The following FGF14 variants were observed in gnomAD, a reference collection of about 807,000 sequenced individuals.
FGF14 encodes the protein fibroblast growth factor 14.
Under a neutral mutation model 25.5 loss-of-function variants are expected in FGF14, and 5 were observed. The observed-to-expected ratio is 0.20, with a 90% CI of 0.10 to 0.41. FGF14 has a LOEUF of 0.41. FGF14 is among the 10% of genes least tolerant of loss of function. The pLI is 1.00. For synonymous variants in FGF14, 138 were observed against 118.3 expected (o/e 1.17, Z -1.08); for missense variants, 222 against 320.1 (o/e 0.69, Z 2.34).
At chr13:102,027,838 G>A (rs2041010061) in intron 1 of FGF14, among the ~76,000 whole-genome samples, 1 of 151,992 alleles carries the variant, frequency 6.6e-6, no homozygotes, top group Admixed American at 6.6e-5. Context: ...AGGCTAACCT[G>A]CAGGTGTTTC....
At chr13:101,828,361 G>C (rs1035217470) in intron 3 of FGF14, among the ~76,000 whole-genome samples, 1 of 151,932 alleles carries the variant, frequency 6.6e-6, no homozygotes, top group Non-Finnish European at 1.5e-5. Flanking sequence ...CTGCCTCCAA[G>C]TCACTTAAAA....
chr13:101,966,522 G>A (rs376781941), intron 1 of FGF14, among the ~76,000 whole-genome samples: 8 of 151,812 alleles, frequency 5.3e-5, no homozygotes, highest in African/African-American at 1.5e-4. Context: ...TCGCTCTGTC[G>A]CCCAGGCTGG....
chr13:101,792,910 T>G (rs1191510033), intron 3 of FGF14, among the ~76,000 whole-genome samples: 1 of 152,118 alleles, frequency 6.6e-6, no homozygotes, highest in African/African-American at 2.4e-5. Flanking sequence ...TATATATATA[T>G]ATGAAGTACA....
intron 1 of FGF14, among the ~76,000 whole-genome samples, chr13:101,940,693 C>A (rs1185242845): frequency 6.6e-6 from 1 of 152,142 alleles, no homozygotes; most frequent in Non-Finnish European, 1.5e-5. Context: ...CTGCTCAAGT[C>A]TTTTGTCAGC....
At chr13:102,101,991 C>T (rs2140288503) in intron 1 of FGF14, among the ~76,000 whole-genome samples, 1 of 152,304 alleles carries the variant, frequency 6.6e-6, no homozygotes, top group East Asian at 1.9e-4. Context: ...GCGTGAGCCA[C>T]CACACCCAGC....
intron 3 of FGF14, among the ~76,000 whole-genome samples, chr13:101,731,372 CCCA>C (rs2035802145): frequency 6.6e-6 from 1 of 152,120 alleles, no homozygotes; most frequent in Non-Finnish European, 1.5e-5. Flanking sequence ...AACCATCACC[CCCA>C]CCACAACAAA....
At chr13:102,297,298 G>A (rs1310965619) in intron 1 of FGF14, among the ~76,000 whole-genome samples, 1 of 152,128 alleles carries the variant, frequency 6.6e-6, no homozygotes, top group Non-Finnish European at 1.5e-5. Flanking sequence ...AGTTTGCAAA[G>A]CTGTCACAGT....
chr13:101,817,574 TG>T (rs1163767126), intron 3 of FGF14, among the ~76,000 whole-genome samples: 1 of 152,248 alleles, frequency 6.6e-6, no homozygotes, highest in East Asian at 1.9e-4. Context: ...ATATAGTCTT[TG>T]AAAAGGTACT....
At position 101,720,146 on chromosome 13, in the gene FGF14, T is replaced by C. The variant is rs572745092; in HGVS notation, c.*2685A>G. 1.3e-5 allele frequency: 2 copies of C among 152,246 alleles called. No homozygotes were observed. Among genetic ancestry groups the C allele is most frequent in the Admixed American group, 6.5e-5 (1 of 15,282 alleles). The allele number at this position is 152,246 out of a possible 1,614,324, so 9.4% of individuals were successfully genotyped here. A position where few individuals can be genotyped will look rare whatever the true frequency, so the allele number is the denominator to read the frequency against. The stretch of plus-strand genomic sequence containing the variant: ...ACTACAATGCAGACAGACAAACTCT[T>C]TGTATGCAAATTAGCAATACATACC... On this transcript the variant is annotated 3_prime_UTR_variant, in exon 5 of 5. Transcript: ENST00000376143.
intron 1 of FGF14, among the ~76,000 whole-genome samples, chr13:102,071,274 T>A (rs1352039709): frequency 6.6e-6 from 1 of 152,192 alleles, no homozygotes; most frequent in Non-Finnish European, 1.5e-5. Flanking sequence ...TTAAACATCA[T>A]GTCTTTGTGG....
chr13:101,792,742 T>A (rs1205993344), intron 3 of FGF14, among the ~76,000 whole-genome samples: 1 of 152,272 alleles, frequency 6.6e-6, no homozygotes, highest in East Asian at 1.9e-4. Context: ...AGAATTCACA[T>A]AAAGCTGTGA....
At chr13:102,139,467 T>A (rs1268499729) in intron 1 of FGF14, among the ~76,000 whole-genome samples, 1 of 152,126 alleles carries the variant, frequency 6.6e-6, no homozygotes, top group Non-Finnish European at 1.5e-5. Context: ...TAATGATTAA[T>A]GATAAAATAT....
At position 102,247,660 on chromosome 13, in the gene FGF14, C is replaced by T. The variant is rs547312062; in HGVS notation, c.208+153811G>A. Among the ~76,000 whole-genome samples the T allele has an allele frequency of 5.3e-5, 8 of 152,260 alleles. No homozygotes were observed. The South Asian group carries it at 1.7e-3, about 32-fold the overall frequency. On this transcript the variant is annotated intron_variant, in intron 1 of 4. Transcript: ENST00000376131. ...TTGGAGGAAGTATAAATTAGTTCAA[C>T]CATTGTGGAAAGCAGTGTGGTGATT...
chr13:102,193,056 G>A (rs113029751), intron 1 of FGF14, among the ~76,000 whole-genome samples: 8 of 152,230 alleles, frequency 5.3e-5, no homozygotes, highest in African/African-American at 1.9e-4. Context: ...GGTATTTGTT[G>A]CATCAGCACC....
In FGF14 at chr13:101,902,549, T is replaced by C. The variant is rs149413039; in HGVS notation, c.193+13904A>G. ...CCAATAGTGATGCAGCCAATATTGATACCAAGCCACTATTAACTCATATGT... is the reference window on the plus strand; with the variant it reads ...CCAATAGTGATGCAGCCAATATTGACACCAAGCCACTATTAACTCATATGT... On this transcript the variant is annotated intron_variant, in intron 1 of 4. Transcript: ENST00000376143. Among the ~76,000 whole-genome samples, 100 of 152,346 alleles carry C rather than the reference T, an allele frequency of 6.6e-4. No homozygotes were observed. The East Asian group carries it at 0.016, about 25-fold the overall frequency.
At chr13:101,843,517 CT>C (rs1178656544) in intron 3 of FGF14, among the ~76,000 whole-genome samples, 8 of 151,934 alleles carry the variant, frequency 5.3e-5, no homozygotes, top group African/African-American at 1.9e-4. Context: ...GTATGGTTGA[CT>C]TTGAGTAACT....
intron 1 of FGF14, among the ~76,000 whole-genome samples, chr13:102,218,770 T>C (rs1213157033): frequency 1.3e-5 from 2 of 152,108 alleles, no homozygotes; most frequent in Non-Finnish European, 2.9e-5. Flanking sequence ...AACGATACAC[T>C]CATATATATG....
chr13:102,199,194 C>T (rs1017433418), intron 1 of FGF14, among the ~76,000 whole-genome samples: 4 of 152,182 alleles, frequency 2.6e-5, no homozygotes, highest in Non-Finnish European at 5.9e-5. Flanking sequence ...ATCTTGTCCA[C>T]AGAGAAAGCT....
At chr13:102,033,233 T>C (rs1371453033) in intron 1 of FGF14, among the ~76,000 whole-genome samples, 1 of 152,068 alleles carries the variant, frequency 6.6e-6, no homozygotes, top group Non-Finnish European at 1.5e-5. Flanking sequence ...TTACTGTAAC[T>C]AACCATGGAA....
Sources: gnomAD v4.1 joint callset for allele counts (sites outside exome capture counted in the v4.1 genomes callset) on GRCh38, gnomAD v4.1.1 for gene constraint, MANE v1.5 for transcripts, NCBI Gene and HGNC (gene_info 2026-07-23, HGNC 2026-07-21) for gene names.